Variants in PRELID2 observed in about 807,000 individuals in gnomAD.
The protein encoded by PRELID2 is PRELI domain-containing protein 2.
Under a neutral mutation model 28.4 loss-of-function variants are expected in PRELID2, and 25 were observed. The observed-to-expected ratio is 0.88, with a 90% CI of 0.64 to 1.23. The LOEUF (loss-of-function observed/expected upper bound fraction) is 1.23. Ranked by LOEUF, PRELID2 falls within the 50% of genes most tolerant of loss-of-function variation. The pLI is 0.00. For synonymous variants in PRELID2, 76 were observed against 71.6 expected, an observed-to-expected ratio of 1.06 and a Z score of -0.31; for missense variants, 201 against 214.4, an observed-to-expected ratio of 0.94 and a Z score of 0.39.
chr5:145,817,220 A>AAAAAAAAT, intron 4 of PRELID2, among the ~76,000 whole-genome samples: 1 of 66,510 alleles, frequency 1.5e-5, no homozygotes, highest in Non-Finnish European at 3.7e-5. Context: ...AATAAAAAAA[A>AAAAAAAAT]ATATATATAT....
At chr5:145,585,760 C>A (rs1358669678) in intron 1 of PRELID2, among the ~76,000 whole-genome samples, 2 of 152,072 alleles carry the variant, frequency 1.3e-5, no homozygotes, top group African/African-American at 4.8e-5. Flanking sequence ...AACAATGTCT[C>A]CCCTGCTTAT....
chr5:145,735,244 C>CAAA (rs112613176), intron 1 of PRELID2, among the ~76,000 whole-genome samples: 2 of 88,504 alleles, frequency 2.3e-5, no homozygotes, highest in African/African-American at 3.5e-5. Context: ...GTCTCCATCT[C>CAAA]AAAAAAAAAA....
In PRELID2 at chr5:145,608,075, C is replaced by T. The variant is rs188096406; in HGVS notation, n.71-134760G>A. The stretch of plus-strand genomic sequence containing the variant: ...TTTTTCTGAAATTAAAATAGTAAAC[C>T]CTGCTTTGTTCTGTTTCCCAATTGC... On this transcript the variant is annotated intron_variant and non_coding_transcript_variant, in intron 1 of 2. Coordinates refer to the PRELID2 transcript ENST00000510259. Among the ~76,000 whole-genome samples the T allele has an allele frequency of 2.0e-5, 3 of 150,166 alleles. 1 individual carries two copies. Among genetic ancestry groups the T allele is most frequent in the East Asian group, 1.9e-4 (1 of 5,154 alleles).
intron 1 of PRELID2, among the ~76,000 whole-genome samples, chr5:145,687,500 C>T (rs547814139): frequency 1.3e-5 from 2 of 152,294 alleles, no homozygotes; most frequent in Admixed American, 1.3e-4. Flanking sequence ...TAAAATGCAA[C>T]ATGTGATCCT....
chr5:145,832,155 C>A (rs1441659672), intron 1 of PRELID2, among the ~76,000 whole-genome samples: 2 of 152,134 alleles, frequency 1.3e-5, no homozygotes, highest in Admixed American at 6.5e-5. Context: ...AAAGAAAACA[C>A]ATTGAGCACA....
chr5:145,414,515 A>C, the PRELID2 span, among the ~76,000 whole-genome samples: 1 of 152,222 alleles, frequency 6.6e-6, no homozygotes. Flanking sequence ...GTGAAGACAG[A>C]ACACTTTTCT....
At chr5:145,481,572 C>T (rs191243957) in intron 1 of PRELID2, among the ~76,000 whole-genome samples, 26 of 127,434 alleles carry the variant, frequency 2.0e-4, no homozygotes, top group Non-Finnish European at 1.6e-4. Context: ...GTTAAGTCCA[C>T]TTTGACCAAA....
chr5:145,554,344 T>G (rs1423359258), intron 1 of PRELID2, among the ~76,000 whole-genome samples: 1 of 151,672 alleles, frequency 6.6e-6, no homozygotes, highest in East Asian at 1.9e-4. Context: ...AGGAAAAAGC[T>G]TCAAGGAGCA....
At chr5:145,602,379 C>T (rs1297504666) in intron 1 of PRELID2, among the ~76,000 whole-genome samples, 1 of 152,092 alleles carries the variant, frequency 6.6e-6, no homozygotes, top group Non-Finnish European at 1.5e-5. Context: ...AAAGGAATTC[C>T]ATTTTAGAAC....
At chr5:145,610,508 G>A (rs963142056) in intron 1 of PRELID2, among the ~76,000 whole-genome samples, 2 of 151,878 alleles carry the variant, frequency 1.3e-5, no homozygotes, top group Non-Finnish European at 2.9e-5. Context: ...AGAACACAAG[G>A]ACACAGGACC....
the PRELID2 span, among the ~76,000 whole-genome samples, chr5:145,362,414 C>T: frequency 6.6e-6 from 1 of 152,120 alleles, no homozygotes; most frequent in Non-Finnish European, 1.5e-5. Context: ...GACTCATGCT[C>T]ATACCACCAT....
At chr5:145,529,574 T>A (rs1057176871) in intron 1 of PRELID2, among the ~76,000 whole-genome samples, 1 of 152,178 alleles carries the variant, frequency 6.6e-6, no homozygotes, top group East Asian at 1.9e-4. Context: ...GACAATTCAT[T>A]TATTTAAGGA....
chr5:145,580,226 C>A (rs112200691), intron 1 of PRELID2, among the ~76,000 whole-genome samples: 50 of 152,054 alleles, frequency 3.3e-4, no homozygotes, highest in African/African-American at 1.2e-3. Context: ...CTATAGATAA[C>A]CAAAAGCAAT....
the PRELID2 span, among the ~76,000 whole-genome samples, chr5:145,454,316 C>A: frequency 6.6e-6 from 1 of 152,150 alleles, no homozygotes; most frequent in Non-Finnish European, 1.5e-5. Flanking sequence ...AACCCACAGC[C>A]AATATCATAC....
chr5:145,724,605 ATATAT>A lies in PRELID2; in HGVS notation n.70+40321_70+40325del, dbSNP rs1561558958. Reference sequence around the variant, plus strand: ...GAAATAACAAGAAGTAAATAAATATATATATATATATATATATATATATATATATA... The same window carrying A: ...GAAATAACAAGAAGTAAATAAATATAATATATATATATATATATATATATA... On this transcript the variant is annotated intron_variant and non_coding_transcript_variant, in intron 1 of 2. Coordinates refer to the PRELID2 transcript ENST00000510259. Among the ~76,000 whole-genome samples, 233 of 82,612 alleles carry A rather than the reference ATATAT, an allele frequency of 2.8e-3. 6 individuals carry two copies. The highest frequency in any genetic ancestry group is 8.5e-3 in the African/African-American group (213 of 25,062). The allele number at this position is 82,612 out of a possible 152,430, so 54.2% of individuals were successfully genotyped here.
intron 1 of PRELID2, among the ~76,000 whole-genome samples, chr5:145,473,874 TACA>T (rs1752076500): frequency 6.6e-6 from 1 of 152,214 alleles, no homozygotes; most frequent in African/African-American, 2.4e-5. Context: ...TAAAAATATA[TACA>T]ACAACAGTTT....
chr5:145,705,939 TAC>T lies in PRELID2; in HGVS notation n.70+58990_70+58991del, dbSNP rs61283424. Among the ~76,000 whole-genome samples, 1,288 of 145,112 alleles carry T rather than the reference TAC, an allele frequency of 8.9e-3. 5 individuals carry two copies. Among genetic ancestry groups the T allele is most frequent in the East Asian group, 0.016 (81 of 4,950 alleles). On this transcript the variant is annotated intron_variant and non_coding_transcript_variant, in intron 1 of 2. Transcript: ENST00000510259. Reference sequence around the variant, plus strand: ...CACCACCCATGCACACATGTGCGCCTACACACACACACACACACACACACACA... The same window carrying T: ...CACCACCCATGCACACATGTGCGCCTACACACACACACACACACACACACA...
chr5:145,517,892 C>T (rs1752530064), intron 1 of PRELID2, among the ~76,000 whole-genome samples: 2 of 152,008 alleles, frequency 1.3e-5, no homozygotes, highest in South Asian at 4.1e-4. Flanking sequence ...AACACAGGAA[C>T]AGAAAACCAA....
At chr5:145,831,747 C>T in intron 1 of PRELID2, among the ~76,000 whole-genome samples, 1 of 152,216 alleles carries the variant, frequency 6.6e-6, no homozygotes, top group South Asian at 2.1e-4. Flanking sequence ...CCAGTTCTGC[C>T]TTCCATTTCC....
Sources: allele counts gnomAD v4.1 joint callset (sites outside exome capture counted in the v4.1 genomes callset), GRCh38; gene constraint gnomAD v4.1.1; transcripts MANE v1.5; gene names NCBI Gene and HGNC (gene_info 2026-07-23, HGNC 2026-07-21).